Variants in GOLGA2 observed in about 807,000 individuals in gnomAD.
The protein encoded by GOLGA2 is golgin subfamily A member 2.
GOLGA2 carries 49 observed loss-of-function variants against 148.8 expected under a neutral mutation model. That is an observed-to-expected ratio of 0.33 (90% confidence interval 0.26 to 0.42). The LOEUF (loss-of-function observed/expected upper bound fraction) is 0.42. Among genes scored for constraint, GOLGA2 ranks in the 10% least tolerant of loss-of-function variants. GOLGA2 has a pLI of 1.00. For missense variants in GOLGA2, 1,178 were observed against 1,304.6 expected (o/e 0.90, Z 1.49); for synonymous variants, 501 against 511.8 (o/e 0.98, Z 0.28).
chr9:128,268,786 A>C (rs1464863506), intron 3 of GOLGA2, among the ~76,000 whole-genome samples: 1 of 152,194 alleles, frequency 6.6e-6, no homozygotes, highest in East Asian at 1.9e-4. Context: ...GAGCTCAGCA[A>C]AAGACAGCAG....
chr9:128,267,346 T>G (rs1830653427), intron 7 of GOLGA2, 72 bp from the exon 8 acceptor site: 5 of 1,296,260 alleles, frequency 3.9e-6, no homozygotes, highest in Non-Finnish European at 4.5e-6. Flanking sequence ...TCATTAGGGT[T>G]GGGGGGTGTG....
Position 128,257,922 on chromosome 9 carries a change from G to C in GOLGA2, c.2509-30C>G. ...AACCAAAATAATGGAGTCATATATCGGCAGCGACCTGCCCCGCCCCCACCC... is the reference window on the plus strand; with the variant it reads ...AACCAAAATAATGGAGTCATATATCCGCAGCGACCTGCCCCGCCCCCACCC... On this transcript the variant is annotated intron_variant, in intron 23 of 26. Coordinates refer to ENST00000611957, the MANE Select transcript of GOLGA2 (RefSeq NM_001366244.2). The surrounding 1 kb of genome is among the most constrained non-coding windows in gnomAD (Gnocchi z 8.0). 3.1e-6 allele frequency: 5 copies of C among 1,610,220 alleles called. No individual in the cohort carries two copies. The highest frequency in any genetic ancestry group is 4.2e-6 in the Non-Finnish European group (5 of 1,176,558).
chr9:128,259,349 G>T lies in GOLGA2; in HGVS notation c.1915C>A (p.Arg639=), dbSNP rs1215525304. 6.2e-7 allele frequency: 1 copy of T among 1,604,092 alleles called. No homozygotes were observed. Among genetic ancestry groups the T allele is most frequent in the African/African-American group, 1.3e-5 (1 of 74,858 alleles). ...SQEAQSLQQQ[R]DQYLGHLQQY... Reference sequence around the variant, plus strand: ...TGCAGGTGTCCCAGGTACTGGTCTCGCTGCTGCTGCAGACTTTGAGCCTCT... The same window carrying T: ...TGCAGGTGTCCCAGGTACTGGTCTCTCTGCTGCTGCAGACTTTGAGCCTCT... The change falls in exon 20 of 27, where the codon CGA becomes AGA. Residue 639 remains arginine, a synonymous_variant. Coordinates refer to ENST00000611957, the MANE Select transcript of GOLGA2 (RefSeq NM_001366244.2).
intron 12 of GOLGA2, among the ~76,000 whole-genome samples, chr9:128,264,410 A>ATTAT (rs145554370): frequency 0.012 from 1,728 of 146,290 alleles, 17 homozygotes; most frequent in African/African-American, 0.025. Context: ...AATTTTTGTT[A>ATTAT]TTATTTATTT....
At position 128,260,609 on chromosome 9, in the gene GOLGA2, G is replaced by C. The variant is rs770034806; in HGVS notation, c.1614C>G (p.Ala538=). ...EERLLELERA[A]ELWGEQAEAR... is the part of the protein sequence containing the mutation. The stretch of plus-strand genomic sequence containing the variant: ...CCTCCGCCTGCTCCCCCCAGAGCTC[G>C]GCCGCCCGCTCCAGCTCCAGCAGCC... Residue 538 remains alanine, a synonymous_variant, in exon 18 of 27, where the codon GCC becomes GCG. Transcript: ENST00000611957. The surrounding 1 kb of genome is among the most constrained non-coding windows in gnomAD (Gnocchi z 4.8). 3 of 1,611,116 alleles carry C rather than the reference G, an allele frequency of 1.9e-6. No individual in the cohort carries two copies. The highest frequency in any genetic ancestry group is 1.3e-5 in the African/African-American group (1 of 74,908).
rs1252892792 is a variant in GOLGA2, at chr9:128,257,035, C to T, written c.*32G>A. 2 of 1,537,856 alleles carry T rather than the reference C, an allele frequency of 1.3e-6. No individual in the cohort carries two copies. Among genetic ancestry groups the T allele is most frequent in the Admixed American group, 3.4e-5 (2 of 58,592 alleles). ...GGTGGGGGCAGGGTATCCAGCCCCA[C>T]TTCTTCAGGCTTTGCTGACAGTAGC... On this transcript the variant is annotated 3_prime_UTR_variant, in exon 27 of 27. Coordinates refer to ENST00000611957, the MANE Select transcript of GOLGA2 (RefSeq NM_001366244.2). This position sits in a 1 kb window ranked among gnomAD's most constrained non-coding sequence, Gnocchi z 8.0.
At position 128,260,384 on chromosome 9, in the gene GOLGA2, C is replaced by A; in HGVS notation, c.1758+81G>T. The A allele has an allele frequency of 8.1e-7, 1 of 1,227,566 alleles. No individual in the cohort carries two copies. Among genetic ancestry groups the A allele is most frequent in the South Asian group, 1.3e-5 (1 of 78,326 alleles). The allele number at this position is 1,227,566 out of a possible 1,614,324, so 76.0% of individuals were successfully genotyped here. A position where few individuals can be genotyped will look rare whatever the true frequency, so the allele number is the denominator to read the frequency against. On this transcript the variant is annotated intron_variant, in intron 18 of 26. Coordinates refer to ENST00000611957, the MANE Select transcript of GOLGA2 (RefSeq NM_001366244.2). This position sits in a 1 kb window ranked among gnomAD's most constrained non-coding sequence, Gnocchi z 4.8. The stretch of plus-strand genomic sequence containing the variant: ...GAAGTACCATTTCAAGTGAGGGCTA[C>A]ACTGCCCCACTTTACAGGTGGGAAA...
rs925784263 is a variant in GOLGA2, at chr9:128,256,761, T to G, written c.*306A>C. On this transcript the variant is annotated 3_prime_UTR_variant, in exon 27 of 27. Coordinates refer to ENST00000611957, the MANE Select transcript of GOLGA2 (RefSeq NM_001366244.2). ...CCCAACCTCAGCCTCCCAAAAGTGC[T>G]GGGATTACAGGCGTGAGCCACTGCA... 2 of 182,136 alleles carry G rather than the reference T, an allele frequency of 1.1e-5. No homozygotes were observed. The highest frequency in any genetic ancestry group is 1.2e-4 in the Admixed American group (2 of 16,894). 11.3% of individuals were successfully genotyped at this position (182,136 alleles called of 1,614,324 possible). A position where few individuals can be genotyped will look rare whatever the true frequency, so the allele number is the denominator to read the frequency against.
At chr9:128,265,742 T>G (rs775436535) in intron 11 of GOLGA2, 46 bp downstream of exon 11, 2 of 1,610,264 alleles carry the variant, frequency 1.2e-6, no homozygotes, top group Admixed American at 1.7e-5. Context: ...CCTAAAGGCC[T>G]GTCAAAGTGC....
In GOLGA2 at chr9:128,267,830, T is replaced by C. The variant is rs149168282; in HGVS notation, c.501+104A>G. 652 of 929,832 alleles carry C rather than the reference T, an allele frequency of 7.0e-4. 2 individuals carry two copies. Among genetic ancestry groups the C allele is most frequent in the Middle Eastern group, 4.1e-3 (13 of 3,186 alleles). 57.6% of individuals were successfully genotyped at this position (929,832 alleles called of 1,614,324 possible). A position where few individuals can be genotyped will look rare whatever the true frequency, so the allele number is the denominator to read the frequency against. On this transcript the variant is annotated intron_variant, in intron 6 of 26. Coordinates refer to ENST00000611957, the MANE Select transcript of GOLGA2 (RefSeq NM_001366244.2). Reference sequence around the variant, plus strand: ...GACTTCCTTAACATTGCCCAGCACATTGGCTGGTCCCAGGATCTTCCCTCT... The same window carrying C: ...GACTTCCTTAACATTGCCCAGCACACTGGCTGGTCCCAGGATCTTCCCTCT...
Position 128,260,295 on chromosome 9 carries a change from T to G in GOLGA2, c.1759-106A>C. 1 of 1,169,002 alleles carries G rather than the reference T, an allele frequency of 8.6e-7. No individual in the cohort carries two copies. Among genetic ancestry groups the G allele is most frequent in the Non-Finnish European group, 1.3e-6 (1 of 788,384 alleles). 72.4% of individuals were successfully genotyped at this position (1,169,002 alleles called of 1,614,324 possible). On this transcript the variant is annotated intron_variant, in intron 18 of 26. Transcript: ENST00000611957. This position sits in a 1 kb window ranked among gnomAD's most constrained non-coding sequence, Gnocchi z 4.8. The stretch of plus-strand genomic sequence containing the variant: ...GGCACCGGGAAGGGTGGAGGCAGGT[T>G]AGAAAAATCATCCCCTCTCCCCCAC...
Position 128,258,911 on chromosome 9 carries a change from T to C in GOLGA2, c.2173+96A>G. ...ACCCAGTTGGCATAATGACCAGCTG[T>C]TCTAAAGGTCTCTTCCAACTCCTCA... On this transcript the variant is annotated intron_variant, in intron 21 of 26. Transcript: ENST00000611957. This position sits in a 1 kb window ranked among gnomAD's most constrained non-coding sequence, Gnocchi z 6.6. 2 of 881,172 alleles carry C rather than the reference T, an allele frequency of 2.3e-6. No homozygotes were observed. The highest frequency in any genetic ancestry group is 3.6e-5 in the Admixed American group (2 of 55,136). 54.6% of individuals were successfully genotyped at this position (881,172 alleles called of 1,614,324 possible).
chr9:128,262,859 C>A (rs560118452), intron 13 of GOLGA2, 155 bp from the exon 14 acceptor site: 3 of 823,426 alleles, frequency 3.6e-6, no homozygotes, highest in African/African-American at 3.3e-5. Flanking sequence ...AGAAAAGATA[C>A]GAGTTACCCA....
At position 128,267,487 on chromosome 9, in the gene GOLGA2, C is replaced by A; in HGVS notation, c.532G>T (p.Ala178Ser). 1 of 1,613,402 alleles carries A rather than the reference C, an allele frequency of 6.2e-7. No individual in the cohort carries two copies. Among genetic ancestry groups the A allele is most frequent in the African/African-American group, 1.3e-5 (1 of 75,012 alleles). The change falls in exon 7 of 27, where the codon GCA becomes TCA. Residue 178 changes from alanine (A) to serine (S), a missense_variant. Physicochemically the swap from Ala to Ser is moderately conservative, Grantham distance 99. This residue lies in a region of GOLGA2 where 304 missense variants were observed against 404.1 expected (regional missense o/e 0.75). Coordinates refer to ENST00000611957, the MANE Select transcript of GOLGA2 (RefSeq NM_001366244.2). ...AGATCCTTCAGGTTAGCAGACGATG[C>A]AGGGCCCTCCCCATTGACACATGTC... ...SATCVNGEGP[A>S]SSANLKDLES...
At chr9:128,270,079 G>A (rs4271068) in intron 3 of GOLGA2, among the ~76,000 whole-genome samples, 10,295 of 151,608 alleles carry the variant, frequency 0.068, 545 homozygotes, top group East Asian at 0.26. Flanking sequence ...TGGCATCTTC[G>A]GTTCCCACTG....
At chr9:128,275,847 G>GTGGGGC (rs1831315545) in intron 1 of GOLGA2, 46 bp downstream of exon 1, 6 of 1,005,032 alleles carry the variant, frequency 6.0e-6, no homozygotes, top group South Asian at 2.8e-5. Context: ...TGCCATCGGA[G>GTGGGGC]TGGGGCTGGG....
intron 2 of GOLGA2, chr9:128,273,639 G>C (rs1416969771): frequency 1.7e-6 from 1 of 578,188 alleles, no homozygotes; most frequent in Non-Finnish European, 3.0e-6. Context: ...AACTTCACAA[G>C]TGTAAGTAAA....
At position 128,260,758 on chromosome 9, in the gene GOLGA2, C is replaced by T. The variant is rs1360703962; in HGVS notation, c.1465G>A (p.Glu489Lys). ...TCAGCCTCCGCTTGTAGCTGCTGCT[C>T]CACCTCGGAGGGCCCTGCTGGGGGC... is the stretch of plus-strand genomic sequence containing the variant. Reference protein sequence around the residue: ...PEPPAGPSEVEQQLQAEAEHL... With the variant: ...PEPPAGPSEVKQQLQAEAEHL... The change falls in exon 18 of 27, where the codon GAG becomes AAG. Residue 489 changes from glutamate (E) to lysine (K), a missense_variant. Around this residue, in one of 5 missense-constraint regions of GOLGA2, gnomAD observed 529 missense variants for 521.8 expected, o/e 1.01. Coordinates refer to ENST00000611957, the MANE Select transcript of GOLGA2 (RefSeq NM_001366244.2). The surrounding 1 kb of genome is among the most constrained non-coding windows in gnomAD (Gnocchi z 4.8). 6.2e-7 allele frequency: 1 copy of T among 1,612,460 alleles called. No homozygotes were observed. Among genetic ancestry groups the T allele is most frequent in the South Asian group, 1.1e-5 (1 of 91,060 alleles).
chr9:128,273,702 C>T (rs1295430763), intron 2 of GOLGA2, 148 bp downstream of exon 2: 2 of 1,014,148 alleles, frequency 2.0e-6, no homozygotes, highest in Admixed American at 5.1e-5. Flanking sequence ...AGCAATTTGC[C>T]CTAAATCACA....
Sources: gnomAD v4.1 joint callset for allele counts (sites outside exome capture counted in the v4.1 genomes callset) on GRCh38, gnomAD v4.1.1 for gene constraint, gnomAD v4.1.1 regional missense constraint, Gnocchi (gnomAD v3.1) non-coding constraint, MANE v1.5 for transcripts, NCBI Gene and HGNC (gene_info 2026-07-23, HGNC 2026-07-21) for gene names.